TAS2R1: variants seen among roughly 807,000 people sequenced by gnomAD.
The protein encoded by TAS2R1 is taste 2 receptor member 1.
For synonymous variants in TAS2R1, 141 were observed against 134.2 expected (o/e 1.05, Z -0.35); for missense variants, 370 against 353.4 (o/e 1.05, Z -0.38).
At chr5:9,846,193 G>A in the TAS2R1 span, among the ~76,000 whole-genome samples, 30 of 152,274 alleles carry the variant, frequency 2.0e-4, no homozygotes, top group Non-Finnish European at 3.4e-4. Context: ...TGAAGAAATG[G>A]ATACTTCAAC....
chr5:9,842,312 C>CTTTTTTTTTTTTTTTTTTTTT, the TAS2R1 span, among the ~76,000 whole-genome samples: 1 of 120,378 alleles, frequency 8.3e-6, no homozygotes. Flanking sequence ...GTCTTTCTTT[C>CTTTTTTTTTTTTTTTTTTTTT]TCTCTTTTTT....
At chr5:9,779,980 G>A in the TAS2R1 span, among the ~76,000 whole-genome samples, 1 of 152,212 alleles carries the variant, frequency 6.6e-6, no homozygotes, top group South Asian at 2.1e-4. Flanking sequence ...CACTGCTAGA[G>A]ATGAACCCAC....
At chr5:9,773,704 T>C in the TAS2R1 span, among the ~76,000 whole-genome samples, 1 of 152,212 alleles carries the variant, frequency 6.6e-6, no homozygotes, top group Admixed American at 6.5e-5. Flanking sequence ...TATTCTAGGA[T>C]ATAAGATTTT....
At chr5:9,659,038 TG>T (rs1242436246) in intron 2 of TAS2R1, among the ~76,000 whole-genome samples, 2 of 152,220 alleles carry the variant, frequency 1.3e-5, no homozygotes. Context: ...TTTTATCCCC[TG>T]TGGCAAGTTA....
the TAS2R1 span, among the ~76,000 whole-genome samples, chr5:9,842,142 TG>T: frequency 6.6e-6 from 1 of 152,094 alleles, no homozygotes. Flanking sequence ...CTTGTAGATC[TG>T]TGTCTGTCTC....
At chr5:9,802,785 C>A in the TAS2R1 span, among the ~76,000 whole-genome samples, 1 of 152,126 alleles carries the variant, frequency 6.6e-6, no homozygotes, top group Non-Finnish European at 1.5e-5. Flanking sequence ...CATCTGTAGT[C>A]CCAGCTACTC....
chr5:9,688,329 G>T (rs1741168638), intron 1 of TAS2R1, among the ~76,000 whole-genome samples: 1 of 152,004 alleles, frequency 6.6e-6, no homozygotes, highest in African/African-American at 2.4e-5. Context: ...ATATTTTATT[G>T]GTGGTCTTGT....
At chr5:9,842,318 T>G in the TAS2R1 span, among the ~76,000 whole-genome samples, 5 of 124,096 alleles carry the variant, frequency 4.0e-5, 1 homozygote, top group Non-Finnish European at 7.1e-5. Flanking sequence ...CTTTCTCTCT[T>G]TTTTTTTTTT....
At chr5:9,890,816 C>T in the TAS2R1 span, among the ~76,000 whole-genome samples, 3 of 152,304 alleles carry the variant, frequency 2.0e-5, no homozygotes, top group African/African-American at 7.2e-5. Flanking sequence ...CTTATAACCA[C>T]GTGTCAACTT....
At chr5:9,688,605 T>G (rs1474585541) in intron 1 of TAS2R1, among the ~76,000 whole-genome samples, 2 of 152,132 alleles carry the variant, frequency 1.3e-5, no homozygotes, top group African/African-American at 4.8e-5. Flanking sequence ...AGACCCTCTT[T>G]TTCTGCTCTC....
At chr5:9,788,019 C>A in the TAS2R1 span, among the ~76,000 whole-genome samples, 1 of 152,160 alleles carries the variant, frequency 6.6e-6, no homozygotes, top group Admixed American at 6.5e-5. Context: ...GCATGGTGAG[C>A]CTGCTGGGCT....
upstream of TAS2R1, among the ~76,000 whole-genome samples, chr5:9,632,174 T>G (rs1167548635): frequency 6.6e-6 from 1 of 152,252 alleles, no homozygotes; most frequent in East Asian, 1.9e-4. Context: ...CACTAATTTG[T>G]TGGTTTTCCA....
chr5:9,817,114 C>A, the TAS2R1 span, among the ~76,000 whole-genome samples: 17 of 152,022 alleles, frequency 1.1e-4, no homozygotes, highest in Admixed American at 6.6e-5. Flanking sequence ...CAAAAGTGAG[C>A]GGAATATCAG....
chr5:9,661,427 CTT>C (rs1740529485), intron 1 of TAS2R1, among the ~76,000 whole-genome samples: 1 of 152,182 alleles, frequency 6.6e-6, no homozygotes, highest in African/African-American at 2.4e-5. Context: ...TGCATGCTCT[CTT>C]TTCTGACATT....
At chr5:9,841,865 C>T in the TAS2R1 span, among the ~76,000 whole-genome samples, 4 of 152,198 alleles carry the variant, frequency 2.6e-5, no homozygotes, top group Non-Finnish European at 5.9e-5. Flanking sequence ...TGCAAACCCA[C>T]TGCATGTGTA....
At chr5:9,756,071 G>T in the TAS2R1 span, among the ~76,000 whole-genome samples, 13 of 152,218 alleles carry the variant, frequency 8.5e-5, no homozygotes, top group African/African-American at 2.9e-4. Context: ...AAATGGAGTT[G>T]CTCTGGTTCA....
chr5:9,812,412 G>A, the TAS2R1 span, among the ~76,000 whole-genome samples: 58 of 152,072 alleles, frequency 3.8e-4, no homozygotes, highest in African/African-American at 1.4e-3. Context: ...AGGACATAGA[G>A]GACCAATGAA....
chr5:9,840,615 C>G, the TAS2R1 span, among the ~76,000 whole-genome samples: 10 of 151,538 alleles, frequency 6.6e-5, no homozygotes, highest in African/African-American at 2.4e-4. Flanking sequence ...ATTTTAGATC[C>G]CAAGGCTTTA....
the TAS2R1 span, among the ~76,000 whole-genome samples, chr5:9,808,986 A>G: frequency 6.6e-6 from 1 of 152,088 alleles, no homozygotes; most frequent in Admixed American, 6.5e-5. Flanking sequence ...ACAAATTTAA[A>G]TTTTTGTCTT....
Sources: gnomAD v4.1 joint callset for allele counts (sites outside exome capture counted in the v4.1 genomes callset) on GRCh38, gnomAD v4.1.1 for gene constraint, MANE v1.5 for transcripts, NCBI Gene and HGNC (gene_info 2026-07-23, HGNC 2026-07-21) for gene names.